Variants in IL17D observed in about 807,000 individuals in gnomAD.
The protein encoded by IL17D is interleukin-17D.
In IL17D, 10 loss-of-function variants were observed where a neutral mutation model predicts 5.7. That is an observed-to-expected ratio of 1.75 (90% CI 1.08 to 2.97). The LOEUF is 2.97. IL17D is among the 30% of genes most tolerant of loss of function. The pLI, the probability that IL17D is intolerant of heterozygous loss-of-function variation, is 0.00. For synonymous variants in IL17D, 172 were observed against 141.7 expected, an observed-to-expected ratio of 1.21 and a Z score of -1.52; for missense variants, 354 against 292.7, an observed-to-expected ratio of 1.21 and a Z score of -1.53.
rs573829454 is a variant in IL17D at position 20,718,668 on chromosome 13, G to A, written c.291-2968G>A. 3.0e-3 allele frequency among the ~76,000 whole-genome samples: 165 copies of A among 55,400 alleles called. 1 individual carries two copies. Among genetic ancestry groups the A allele is most frequent in the African/African-American group, 9.6e-3 (155 of 16,106 alleles). The allele number at this position is 55,400 out of a possible 152,430, so 36.3% of individuals were successfully genotyped here. A position where few individuals can be genotyped will look rare whatever the true frequency, so the allele number is the denominator to read the frequency against. On this transcript the variant is annotated intron_variant, in intron 1 of 1. Coordinates refer to ENST00000682841, the MANE Select transcript of IL17D (RefSeq NM_001385224.1). ...CACACCTGCCCACTTACATGCCCAC[G>A]CTCACACACACCTGCCCACTTACAC...
intron 1 of IL17D, among the ~76,000 whole-genome samples, chr13:20,705,108 G>A (rs1460091515): frequency 6.6e-6 from 1 of 152,178 alleles, no homozygotes; most frequent in African/African-American, 2.4e-5. Flanking sequence ...ACCTGTGACC[G>A]TCTTCCCTCT....
chr13:20,719,033 C>T (rs1283285510), intron 1 of IL17D, among the ~76,000 whole-genome samples: 1 of 143,996 alleles, frequency 6.9e-6, no homozygotes, highest in East Asian at 2.2e-4. Flanking sequence ...CACACAGACA[C>T]CCGTGCTCAC....
intron 1 of IL17D, among the ~76,000 whole-genome samples, chr13:20,712,206 T>A (rs2058643792): frequency 6.6e-6 from 1 of 152,212 alleles, no homozygotes; most frequent in Non-Finnish European, 1.5e-5. Context: ...AAATCTTTTT[T>A]AAAAAATTTA....
chr13:20,712,517 A>T (rs1286763857), intron 1 of IL17D: 1 of 152,310 alleles, frequency 6.6e-6, no homozygotes, highest in Non-Finnish European at 1.5e-5. Context: ...TTGAACCCGG[A>T]AGGCGGAGGT....
rs9509350 is a variant in IL17D, at chr13:20,716,917, A to G, written c.291-4719A>G. Among the ~76,000 whole-genome samples the G allele has an allele frequency of 0.36, 54,923 of 152,174 alleles. 11,921 individuals carry two copies. The highest frequency in any genetic ancestry group is 0.49 in the Non-Finnish European group (33,526 of 67,994). The stretch of plus-strand genomic sequence containing the variant: ...GAGCCACATCAAGGCGCGTGTGCCA[A>G]CCAGCGCCCCAGCTATCCTTGGGCA... On this transcript the variant is annotated intron_variant, in intron 1 of 1. Transcript: ENST00000682841. The surrounding 1 kb of genome is among the most constrained non-coding windows in gnomAD (Gnocchi z 4.2).
intron 1 of IL17D, among the ~76,000 whole-genome samples, chr13:20,708,114 T>C (rs778245313): frequency 2.6e-5 from 4 of 152,208 alleles, no homozygotes; most frequent in Non-Finnish European, 5.9e-5. Flanking sequence ...GGTTTCGCCA[T>C]GTTGGCCAGG....
intron 1 of IL17D, among the ~76,000 whole-genome samples, chr13:20,705,387 G>A (rs191385830): frequency 5.1e-4 from 78 of 152,276 alleles, no homozygotes; most frequent in African/African-American, 1.9e-3. Flanking sequence ...GGAGACAGGT[G>A]CAGGAGCTGG....
Position 20,717,577 on chromosome 13 carries a change from G to A in IL17D, c.291-4059G>A, listed in dbSNP as rs533439085. ...AGGCCCCCGCTGGATCCTTCCAAAG[G>A]CACAGGCCTTGTCTTTCTGCTTCTC... On this transcript the variant is annotated intron_variant, in intron 1 of 1. Coordinates refer to ENST00000682841, the MANE Select transcript of IL17D (RefSeq NM_001385224.1). 3.9e-5 allele frequency among the ~76,000 whole-genome samples: 6 copies of A among 152,282 alleles called. No homozygotes were observed. The South Asian group carries it at 1.2e-3, about 32-fold the overall frequency.
intron 1 of IL17D, among the ~76,000 whole-genome samples, chr13:20,712,207 A>G (rs753496669): frequency 6.6e-6 from 1 of 152,236 alleles, no homozygotes; most frequent in Non-Finnish European, 1.5e-5. Context: ...AATCTTTTTT[A>G]AAAAATTTAT....
intron 1 of IL17D, among the ~76,000 whole-genome samples, chr13:20,719,590 T>G (rs918673771): frequency 1.3e-5 from 2 of 152,274 alleles, no homozygotes; most frequent in Admixed American, 6.5e-5. Flanking sequence ...AATTTCAAAC[T>G]AACACAACTA....
At position 20,716,383 on chromosome 13, in the gene IL17D, G is replaced by A. The variant is rs1412160115; in HGVS notation, c.291-5253G>A. ...CTCAGAGAAATCTTTCTGGGATTTCGTTAGAATTGCACTGACTTTATAGAT... is the reference window on the plus strand; with the variant it reads ...CTCAGAGAAATCTTTCTGGGATTTCATTAGAATTGCACTGACTTTATAGAT... On this transcript the variant is annotated intron_variant, in intron 1 of 1. Coordinates refer to ENST00000682841, the MANE Select transcript of IL17D (RefSeq NM_001385224.1). This position sits in a 1 kb window ranked among gnomAD's most constrained non-coding sequence, Gnocchi z 4.2. 4.6e-5 allele frequency among the ~76,000 whole-genome samples: 7 copies of A among 152,146 alleles called. No individual in the cohort carries two copies. The highest frequency in any genetic ancestry group is 8.8e-5 in the Non-Finnish European group (6 of 68,028).
chr13:20,703,390 T>G (rs531870643), upstream of IL17D: 1 of 986,020 alleles, frequency 1.0e-6, no homozygotes, highest in South Asian at 4.7e-5. Flanking sequence ...TCGCTCTGTG[T>G]CCGTGAGGCC....
chr13:20,719,060 C>T (rs1329058769), intron 1 of IL17D, among the ~76,000 whole-genome samples: 1 of 149,552 alleles, frequency 6.7e-6, no homozygotes, highest in Non-Finnish European at 1.5e-5. Flanking sequence ...GGCCCACACA[C>T]ACCTGCCCAT....
At chr13:20,702,767 T>C (rs1298730995), upstream of IL17D, 1 of 152,168 alleles carries the variant, frequency 6.6e-6, no homozygotes, top group Non-Finnish European at 1.5e-5. Context: ...AAGTATTCAG[T>C]GCTTTGTTGT....
upstream of IL17D, chr13:20,703,018 C>T (rs1471579446): frequency 6.6e-6 from 1 of 152,414 alleles, no homozygotes; most frequent in Non-Finnish European, 1.5e-5. Context: ...AATCGGCCTC[C>T]CCCAATTCCA....
chr13:20,718,147 T>C (rs1370745335), intron 1 of IL17D, among the ~76,000 whole-genome samples: 1 of 152,054 alleles, frequency 6.6e-6, no homozygotes, highest in Non-Finnish European at 1.5e-5. Context: ...ACATCCTCGG[T>C]ACTGTTCTGA....
chr13:20,711,183 G>C (rs1050941702), intron 1 of IL17D, among the ~76,000 whole-genome samples: 1 of 151,996 alleles, frequency 6.6e-6, no homozygotes, highest in African/African-American at 2.4e-5. Context: ...AGAATCACTT[G>C]AACTGGGGAG....
intron 1 of IL17D, chr13:20,714,266 C>G (rs1412108520): frequency 6.6e-6 from 1 of 152,238 alleles, no homozygotes; most frequent in Non-Finnish European, 1.5e-5. Context: ...TCTTCCCCTA[C>G]CTCCCAGATG....
chr13:20,722,099 G>C lies in IL17D; in HGVS notation c.*145G>C. The C allele has an allele frequency of 3.1e-6, 2 of 650,418 alleles. No homozygotes were observed. Among genetic ancestry groups the C allele is most frequent in the Non-Finnish European group, 5.1e-6 (2 of 392,640 alleles). The allele number at this position is 650,418 out of a possible 1,614,324, so 40.3% of individuals were successfully genotyped here. A position where few individuals can be genotyped will look rare whatever the true frequency, so the allele number is the denominator to read the frequency against. ...AGCACCAGCGCCGCCTTTCCATGGAGACTCGTAAGCAGCTTCATCTGACAC... is the reference window on the plus strand; with the variant it reads ...AGCACCAGCGCCGCCTTTCCATGGACACTCGTAAGCAGCTTCATCTGACAC... On this transcript the variant is annotated 3_prime_UTR_variant, in exon 2 of 2. Transcript: ENST00000682841.
Sources: gnomAD v4.1 joint callset for allele counts (sites outside exome capture counted in the v4.1 genomes callset) on GRCh38, gnomAD v4.1.1 for gene constraint, Gnocchi (gnomAD v3.1) non-coding constraint, MANE v1.5 for transcripts, NCBI Gene and HGNC (gene_info 2026-07-23, HGNC 2026-07-21) for gene names.